Variants in SLC25A42 observed in about 807,000 individuals in gnomAD.
SLC25A42 encodes solute carrier family 25 member 42.
Under a neutral mutation model 34.7 loss-of-function variants are expected in SLC25A42, and 19 were observed. That is an observed-to-expected ratio of 0.55 (90% CI 0.38 to 0.80). SLC25A42 has a LOEUF of 0.80. Ranked by LOEUF, SLC25A42 falls within the 30% of genes least tolerant of loss-of-function variation. The probability of loss-of-function intolerance (pLI) is 0.00; values close to 1 mark genes in which losing one functional copy is unlikely to be tolerated. For missense variants in SLC25A42, 364 were observed against 441.3 expected (o/e 0.82, Z 1.57); for synonymous variants, 205 against 191.2 (o/e 1.07, Z -0.59).
At chr19:19,095,487 C>A (rs2145915581) in intron 1 of SLC25A42, among the ~76,000 whole-genome samples, 1 of 151,938 alleles carries the variant, frequency 6.6e-6, no homozygotes, top group African/African-American at 2.4e-5. Flanking sequence ...GTAGCAGGCG[C>A]CTGTAGTCCC....
Position 19,110,769 on chromosome 19 carries a change from C to A in SLC25A42, c.850C>A (p.Leu284Ile), listed in dbSNP as rs1281755886. Residue 284 changes from leucine (L) to isoleucine (I), a missense_variant, in exon 8 of 8, where the codon CTC becomes ATC. Leu to Ile is a conservative substitution (Grantham distance 5). Coordinates refer to ENST00000318596, the MANE Select transcript of SLC25A42 (RefSeq NM_178526.5). Reference protein sequence around the residue: ...IVREEGAVRGLYKGLSMNWVK... With the variant: ...IVREEGAVRGIYKGLSMNWVK... ...GCGGGAGGAGGGCGCCGTGCGCGGC[C>A]TCTACAAAGGCTTGAGCATGAACTG... The A allele has an allele frequency of 3.1e-6, 5 of 1,613,402 alleles. No individual in the cohort carries two copies. The highest frequency in any genetic ancestry group is 4.2e-6 in the Non-Finnish European group (5 of 1,179,948).
At chr19:19,084,902 G>A (rs1488048265) in intron 1 of SLC25A42, among the ~76,000 whole-genome samples, 1 of 149,452 alleles carries the variant, frequency 6.7e-6, no homozygotes, top group Non-Finnish European at 1.5e-5. Context: ...TTCCAGATCA[G>A]CCTGGGCAAC....
At chr19:19,085,710 A>G (rs2145908119) in intron 1 of SLC25A42, among the ~76,000 whole-genome samples, 1 of 152,120 alleles carries the variant, frequency 6.6e-6, no homozygotes, top group Non-Finnish European at 1.5e-5. Flanking sequence ...CTGTGTCTTC[A>G]CCCCATTCTC....
chr19:19,071,214 C>T (rs2059628595), intron 1 of SLC25A42, among the ~76,000 whole-genome samples: 1 of 151,952 alleles, frequency 6.6e-6, no homozygotes, highest in Admixed American at 6.6e-5. Flanking sequence ...TCCATCCTTC[C>T]CAGACTGGTC....
At chr19:19,092,790 A>C (rs897860712) in intron 1 of SLC25A42, among the ~76,000 whole-genome samples, 1 of 152,184 alleles carries the variant, frequency 6.6e-6, no homozygotes, top group African/African-American at 2.4e-5. Flanking sequence ...GGAATCAAGG[A>C]GTAGAGAGGC....
At chr19:19,080,718 G>GAGA (rs2145904546) in intron 1 of SLC25A42, among the ~76,000 whole-genome samples, 1 of 152,106 alleles carries the variant, frequency 6.6e-6, no homozygotes, top group South Asian at 2.1e-4. Flanking sequence ...AGCTTAGTTT[G>GAGA]AGACCAGCCT....
At chr19:19,090,106 T>G (rs891805725) in intron 1 of SLC25A42, among the ~76,000 whole-genome samples, 1 of 152,170 alleles carries the variant, frequency 6.6e-6, no homozygotes, top group South Asian at 2.1e-4. Flanking sequence ...GAAATCATCT[T>G]TGAACTTGTG....
At chr19:19,105,488 T>C in intron 4 of SLC25A42, 73 bp from the exon 5 acceptor site, 1 of 1,549,146 alleles carries the variant, frequency 6.5e-7, no homozygotes, top group South Asian at 1.2e-5. Context: ...CTTTGGGCGC[T>C]CTGCTGGTCA....
intron 1 of SLC25A42, among the ~76,000 whole-genome samples, chr19:19,090,497 A>C (rs544612715): frequency 6.6e-6 from 1 of 152,254 alleles, no homozygotes; most frequent in East Asian, 1.9e-4. Context: ...GGTTTGATGA[A>C]GATTAGAGTC....
intron 7 of SLC25A42, among the ~76,000 whole-genome samples, chr19:19,108,606 C>T (rs544332670): frequency 1.3e-5 from 2 of 151,666 alleles, no homozygotes; most frequent in South Asian, 4.2e-4. Flanking sequence ...AGCATTGATA[C>T]CTCACCTCTT....
Position 19,110,650 on chromosome 19 carries a change from C to G in SLC25A42, c.731C>G (p.Ser244Trp), listed in dbSNP as rs751729984. 1.3e-6 allele frequency: 2 copies of G among 1,551,604 alleles called. No homozygotes were observed. The highest frequency in any genetic ancestry group is 1.2e-5 in the South Asian group (1 of 85,164). Residue 244 changes from serine to tryptophan, a missense_variant, in exon 8 of 8, where the codon TCG (serine) becomes TGG (tryptophan). By Grantham distance (177) the Ser-to-Trp change is radical. Coordinates refer to ENST00000318596, the MANE Select transcript of SLC25A42 (RefSeq NM_178526.5). ...GCTGGCCTCATCGGGCAGTCGGCCT[C>G]GTACCCGCTGGATGTGGTGCGGCGG... ...ACAGLIGQSASYPLDVVRRRM... is the reference protein window; with the variant it reads ...ACAGLIGQSAWYPLDVVRRRM...
At chr19:19,068,518 T>G (rs760173650) in intron 1 of SLC25A42, among the ~76,000 whole-genome samples, 1 of 151,600 alleles carries the variant, frequency 6.6e-6, no homozygotes, top group Non-Finnish European at 1.5e-5. Flanking sequence ...AATACAAAAA[T>G]TAGCCGGGCA....
intron 1 of SLC25A42, among the ~76,000 whole-genome samples, chr19:19,072,055 G>A (rs962232651): frequency 3.9e-5 from 6 of 152,166 alleles, no homozygotes; most frequent in African/African-American, 1.2e-4. Flanking sequence ...ATCTTGCTGT[G>A]TTGCCCAGGC....
rs1041804542 is a variant in SLC25A42 at position 19,111,131 on chromosome 19, C to T, written c.*255C>T. On this transcript the variant is annotated 3_prime_UTR_variant, in exon 8 of 8. Coordinates refer to ENST00000318596, the MANE Select transcript of SLC25A42 (RefSeq NM_178526.5). ...CTCTTCCTTCCTCTGCAGACGCTGG[C>T]GCTGTCTGCCGGAGGTGTTGCCCAA... is the stretch of plus-strand genomic sequence containing the variant. The T allele has an allele frequency of 7.4e-6, 4 of 541,278 alleles. No individual in the cohort carries two copies. In the East Asian group the frequency reaches 1.3e-4, roughly 18 times the overall value. The allele number at this position is 541,278 out of a possible 1,614,324, so 33.5% of individuals were successfully genotyped here.
intron 1 of SLC25A42, among the ~76,000 whole-genome samples, chr19:19,079,375 C>T (rs1877294677): frequency 6.6e-6 from 1 of 151,910 alleles, no homozygotes; most frequent in Non-Finnish European, 1.5e-5. Flanking sequence ...ACATTTTCAT[C>T]ACCCCCAAAA....
At chr19:19,082,656 C>A (rs2059687317) in intron 1 of SLC25A42, among the ~76,000 whole-genome samples, 1 of 151,734 alleles carries the variant, frequency 6.6e-6, no homozygotes, top group African/African-American at 2.4e-5. Context: ...AGCCACTGAT[C>A]TTGGCCTTTT....
At chr19:19,105,306 C>T (rs957554314) in intron 4 of SLC25A42, 8 of 580,998 alleles carry the variant, frequency 1.4e-5, no homozygotes, top group African/African-American at 1.3e-4. Context: ...GCCTGGTTCG[C>T]TTTGCAGTCC....
At chr19:19,067,584 C>A (rs1003774967) in intron 1 of SLC25A42, among the ~76,000 whole-genome samples, 3 of 151,924 alleles carry the variant, frequency 2.0e-5, no homozygotes, top group African/African-American at 2.4e-5. Flanking sequence ...CCCTGTTTTT[C>A]TGTTAAAAAA....
rs1040777823 is a variant in SLC25A42 at position 19,101,709 on chromosome 19, C to T, written c.82-72C>T. 3.7e-6 allele frequency: 5 copies of T among 1,361,386 alleles called. No individual in the cohort carries two copies. In the African/African-American group the frequency reaches 5.8e-5, roughly 16 times the overall value. The allele number at this position is 1,361,386 out of a possible 1,614,324, so 84.3% of individuals were successfully genotyped here. A position where few individuals can be genotyped will look rare whatever the true frequency, so the allele number is the denominator to read the frequency against. On this transcript the variant is annotated intron_variant, in intron 2 of 7. Coordinates refer to ENST00000318596, the MANE Select transcript of SLC25A42 (RefSeq NM_178526.5). ...CCCGGCCCAGAGGGTGTAAGGAAGG[C>T]ACTTCTGGGGCAAGGTCCTCTGCGG...
Sources: allele counts gnomAD v4.1 joint callset (sites outside exome capture counted in the v4.1 genomes callset), GRCh38; gene constraint gnomAD v4.1.1; transcripts MANE v1.5; gene names NCBI Gene and HGNC (gene_info 2026-07-23, HGNC 2026-07-21).